Variants in IPO8 observed in about 807,000 individuals in gnomAD.
IPO8 encodes the protein importin-8.
In IPO8, 65 loss-of-function variants were observed where a neutral mutation model predicts 141.2. The ratio of observed to expected loss-of-function variants is 0.46; its 90% confidence interval spans 0.38 to 0.57. The LOEUF is 0.57. Among genes scored for constraint, IPO8 ranks in the 20% least tolerant of loss-of-function variants. The pLI, the probability that IPO8 is intolerant of heterozygous loss-of-function variation, is 0.00. For synonymous variants in IPO8, 411 were observed against 420.3 expected (o/e 0.98, Z 0.27); for missense variants, 980 against 1,246.8 (o/e 0.79, Z 3.22).
chr12:30,680,284 G>A (rs1331377730), intron 5 of IPO8, 198 bp downstream of exon 5: 1 of 467,566 alleles, frequency 2.1e-6, no homozygotes, highest in African/African-American at 2.0e-5. Context: ...GGAGTGAAAA[G>A]CACTTAGGGG....
intron 17 of IPO8, 58 bp from the exon 18 acceptor site, chr12:30,653,150 G>C (rs749924995): frequency 3.3e-6 from 5 of 1,525,358 alleles, no homozygotes; most frequent in Non-Finnish European, 4.5e-6. Context: ...TTAAAACAAA[G>C]ACCACACAGA....
At chr12:30,644,322 G>A (rs2052611930) in intron 20 of IPO8, among the ~76,000 whole-genome samples, 1 of 150,410 alleles carries the variant, frequency 6.6e-6, no homozygotes, top group Admixed American at 6.6e-5. Context: ...CATGAGATAC[G>A]ACTGCACCAT....
chr12:30,634,805 A>G (rs2052479151), intron 22 of IPO8, among the ~76,000 whole-genome samples: 1 of 152,126 alleles, frequency 6.6e-6, no homozygotes, highest in African/African-American at 2.4e-5. Flanking sequence ...ATACAGATCC[A>G]GCCATCCCAC....
chr12:30,635,912 C>T lies in IPO8; in HGVS notation c.2695+1070G>A, dbSNP rs116742630. Among the ~76,000 whole-genome samples the T allele has an allele frequency of 4.4e-3, 671 of 152,040 alleles. 5 individuals carry two copies. Among genetic ancestry groups the T allele is most frequent in the African/African-American group, 0.015 (622 of 41,508 alleles). Reference sequence around the variant, plus strand: ...CCAGAAAATTTTCCCTCAAGCCATACAGTATAAGCCAATAAAGAGTTGCCA... The same window carrying T: ...CCAGAAAATTTTCCCTCAAGCCATATAGTATAAGCCAATAAAGAGTTGCCA... On this transcript the variant is annotated intron_variant, in intron 22 of 24. Transcript: ENST00000256079.
At chr12:30,634,427 A>C (rs2052475122) in intron 22 of IPO8, 141 bp from the exon 23 acceptor site, 2 of 628,892 alleles carry the variant, frequency 3.2e-6, no homozygotes. Flanking sequence ...AATAAATCTT[A>C]TCCCTGGTCT....
intron 16 of IPO8, among the ~76,000 whole-genome samples, chr12:30,660,929 T>TA (rs370459943): frequency 6.7e-6 from 1 of 149,834 alleles, no homozygotes; most frequent in African/African-American, 2.4e-5. Context: ...TTTATAATAT[T>TA]TACATTATAA....
At position 30,669,240 on chromosome 12, in the gene IPO8, C is replaced by A; in HGVS notation, c.1087G>T (p.Asp363Tyr). ...TCTTGCCACAGCTCTTCATCCTCAT[C>A]TTTATAACACATCACAGAAAAAATC... ...DVIFSVMCYK[D>Y]EDEELWQEDP... is the part of the protein sequence containing the mutation. Residue 363 changes from aspartate to tyrosine, a missense_variant, in exon 10 of 25, where the codon GAT (aspartate) becomes TAT (tyrosine). Physicochemically the swap from Asp to Tyr is radical, Grantham distance 160 (BLOSUM62 -3). Transcript: ENST00000256079. 6.3e-7 allele frequency: 1 copy of A among 1,588,252 alleles called. No homozygotes were observed. The highest frequency in any genetic ancestry group is 8.6e-7 in the Non-Finnish European group (1 of 1,168,174).
chr12:30,648,903 T>C (rs1207128863), intron 20 of IPO8, among the ~76,000 whole-genome samples: 1 of 152,040 alleles, frequency 6.6e-6, no homozygotes, highest in Non-Finnish European at 1.5e-5. Flanking sequence ...ATTATTTTTT[T>C]GATAGCCCCT....
Position 30,662,497 on chromosome 12 carries a change from T to C in IPO8, c.1595-10A>G. The stretch of plus-strand genomic sequence containing the variant: ...TTCATATATTCCTTAGCTAATTCAA[T>C]AAAACAAACAAAAGTAATAAAAATT... On this transcript the variant is annotated splice_polypyrimidine_tract_variant and intron_variant, in intron 14 of 24. Transcript: ENST00000256079. 2 of 1,601,280 alleles carry C rather than the reference T, an allele frequency of 1.2e-6. No homozygotes were observed. The highest frequency in any genetic ancestry group is 8.5e-7 in the Non-Finnish European group (1 of 1,171,014).
At chr12:30,639,413 C>T in intron 21 of IPO8, 102 bp downstream of exon 21, 1 of 726,250 alleles carries the variant, frequency 1.4e-6, no homozygotes, top group East Asian at 2.7e-5. Context: ...AAAATAATTC[C>T]TAAGACATGA....
chr12:30,665,987 A>C, intron 11 of IPO8, 142 bp from the exon 12 acceptor site: 1 of 678,648 alleles, frequency 1.5e-6, no homozygotes, highest in Non-Finnish European at 2.4e-6. Flanking sequence ...AGAAAAGTAT[A>C]ATTTATTAAG....
chr12:30,664,110 C>A (rs1463425946), intron 13 of IPO8, among the ~76,000 whole-genome samples: 1 of 152,116 alleles, frequency 6.6e-6, no homozygotes, highest in East Asian at 1.9e-4. Context: ...TAGATGATCA[C>A]ATTTTAACTA....
At position 30,665,769 on chromosome 12, in the gene IPO8, G is replaced by T; in HGVS notation, c.1298C>A (p.Ala433Asp). 6.2e-7 allele frequency: 1 copy of T among 1,613,194 alleles called. No individual in the cohort carries two copies. The highest frequency in any genetic ancestry group is 8.5e-7 in the Non-Finnish European group (1 of 1,179,406). The change falls in exon 12 of 25, where the codon GCC (alanine) becomes GAC (aspartate). Residue 433 changes from alanine (A) to aspartate (D), a missense_variant. Physicochemically the swap from Ala to Asp is moderately radical, Grantham distance 126 (BLOSUM62 -2). This residue lies in a region of IPO8 where 924 missense variants were observed against 1,153.9 expected (regional missense o/e 0.80). Coordinates refer to ENST00000256079, the MANE Select transcript of IPO8 (RefSeq NM_006390.4). Reference sequence around the variant, plus strand: ...AGCTAGGGAACCAATCACATGCAGGGCTCCATCTTTCTTCCTAGGGTCAAA... The same window carrying T: ...AGCTAGGGAACCAATCACATGCAGGTCTCCATCTTTCTTCCTAGGGTCAAA... ...PNFDPRKKDG[A>D]LHVIGSLAEI...
In IPO8 at chr12:30,661,262, T is replaced by G. The variant is rs774558638; in HGVS notation, c.1760A>C (p.Glu587Ala). Residue 587 changes from glutamate to alanine, a missense_variant, in exon 16 of 25, where the codon GAG (glutamate) becomes GCG (alanine). Physicochemically the swap from Glu to Ala is moderately radical, Grantham distance 107. Coordinates refer to ENST00000256079, the MANE Select transcript of IPO8 (RefSeq NM_006390.4). ...IAVDMTQHLA[E>A]IFGKVLQSDE... ...ACTTTGAAGAACTTTGCCAAATATC[T>G]CAGCCTATGAAAATAACATTAAAGT... The G allele has an allele frequency of 6.3e-7, 1 of 1,585,456 alleles. No individual in the cohort carries two copies. The highest frequency in any genetic ancestry group is 1.7e-4 in the Middle Eastern group (1 of 5,972).
At chr12:30,682,993 T>C (rs2053204507) in intron 3 of IPO8, among the ~76,000 whole-genome samples, 1 of 152,146 alleles carries the variant, frequency 6.6e-6, no homozygotes, top group East Asian at 1.9e-4. Context: ...TAGCTGCTCC[T>C]TTAAACAATA....
At chr12:30,692,745 C>T (rs371053842) in intron 1 of IPO8, among the ~76,000 whole-genome samples, 3 of 151,840 alleles carry the variant, frequency 2.0e-5, no homozygotes, top group Admixed American at 6.6e-5. Flanking sequence ...TCCTCCAGCA[C>T]GCCAAGTTGA....
chr12:30,649,100 T>C (rs2136136903), intron 20 of IPO8, 37 bp downstream of exon 20: 2 of 1,344,256 alleles, frequency 1.5e-6, no homozygotes. Context: ...ACTTCAAATG[T>C]AACCCTCAAG....
chr12:30,639,465 G>A (rs2052547594), intron 21 of IPO8, 50 bp downstream of exon 21: 1 of 1,293,900 alleles, frequency 7.7e-7, no homozygotes, highest in Admixed American at 1.7e-5. Flanking sequence ...ATATTAAAAA[G>A]CAAACTTTCC....
chr12:30,660,937 T>TA (rs377089180), intron 16 of IPO8, among the ~76,000 whole-genome samples: 1 of 149,494 alleles, frequency 6.7e-6, no homozygotes, highest in East Asian at 1.9e-4. Flanking sequence ...ATTTACATTA[T>TA]AATATTACAA....
Sources: gnomAD v4.1 joint callset for allele counts (sites outside exome capture counted in the v4.1 genomes callset) on GRCh38, gnomAD v4.1.1 for gene constraint, gnomAD v4.1.1 regional missense constraint, MANE v1.5 for transcripts, NCBI Gene and HGNC (gene_info 2026-07-23, HGNC 2026-07-21) for gene names.